CSPP1: variants seen among roughly 807,000 people sequenced by gnomAD.
CSPP1 encodes the protein centrosome and spindle pole associated protein 1, also known as centrosome and spindle pole-associated protein 1.
Under a neutral mutation model 164.4 loss-of-function variants are expected in CSPP1, and 126 were observed. The observed-to-expected ratio is 0.77, with a 90% CI of 0.66 to 0.89. CSPP1 has a LOEUF of 0.89. Ranked by LOEUF, CSPP1 falls within the 40% of genes least tolerant of loss-of-function variation. The pLI is 0.00. For synonymous variants in CSPP1, 472 were observed against 476.7 expected (o/e 0.99, Z 0.13); for missense variants, 1,395 against 1,449.8 (o/e 0.96, Z 0.61).
chr8:67,154,171 G>A, intron 19 of CSPP1, 35 bp downstream of exon 19: 1 of 1,034,066 alleles, frequency 9.7e-7, no homozygotes, highest in Admixed American at 1.9e-5. Flanking sequence ...AAAGTTTCAT[G>A]AGATTTTAAT....
In CSPP1 at chr8:67,113,802, T is replaced by C. The variant is rs771296235; in HGVS notation, c.1188-3T>C. 1.3e-6 allele frequency: 2 copies of C among 1,525,764 alleles called. No individual in the cohort carries two copies. Among genetic ancestry groups the C allele is most frequent in the East Asian group, 2.3e-5 (1 of 43,904 alleles). The allele number at this position is 1,525,764 out of a possible 1,614,324, so 94.5% of individuals were successfully genotyped here. A position where few individuals can be genotyped will look rare whatever the true frequency, so the allele number is the denominator to read the frequency against. On this transcript the variant is annotated splice_polypyrimidine_tract_variant and splice_region_variant and intron_variant, in intron 10 of 30. Transcript: ENST00000678616. ...TAATATGTAAAACTTTAATTTTGTT[T>C]AGAGAAAAAGATTTAGAACTCAGGG...
At chr8:67,185,861 GCAT>G (rs768341729) in intron 28 of CSPP1, among the ~76,000 whole-genome samples, 2 of 152,032 alleles carry the variant, frequency 1.3e-5, no homozygotes, top group Non-Finnish European at 2.9e-5. Context: ...AGACTCAAAA[GCAT>G]CATCAACACC....
intron 12 of CSPP1, 40 bp from the exon 13 acceptor site, chr8:67,115,874 T>A (rs377666843): frequency 3.4e-5 from 52 of 1,526,804 alleles, no homozygotes; most frequent in Non-Finnish European, 4.7e-5. Flanking sequence ...TTTAAACTTA[T>A]GATTATATGT....
chr8:67,075,116 T>TTCTTA (rs1354337973), intron 2 of CSPP1, among the ~76,000 whole-genome samples: 2 of 152,216 alleles, frequency 1.3e-5, no homozygotes, highest in East Asian at 3.8e-4. Flanking sequence ...CTTAAAGGCT[T>TTCTTA]TCTTAAAGCT....
rs545573445 is a variant in CSPP1 at position 67,101,253 on chromosome 8, A to G, written c.924-1784A>G. Among the ~76,000 whole-genome samples, 4 of 152,324 alleles carry G rather than the reference A, an allele frequency of 2.6e-5. No homozygotes were observed. In the South Asian group the frequency reaches 8.3e-4, roughly 32 times the overall value. On this transcript the variant is annotated intron_variant, in intron 7 of 30. Coordinates refer to ENST00000678616, the MANE Select transcript of CSPP1 (RefSeq NM_001382391.1). ...AATTCCAGACTTCCTGAAGAAAAGC[A>G]AATGTTTAGCATAAACTATAGTTTG...
chr8:67,167,418 C>T lies in CSPP1; in HGVS notation c.2828+2910C>T, dbSNP rs561747215. On this transcript the variant is annotated intron_variant, in intron 24 of 30. Transcript: ENST00000678616. ...GGCTGCCCCCCACCTCCCTCCTGGA[C>T]GGGGCGGCTGGCCGGGCGGGGGCTG... Among the ~76,000 whole-genome samples the T allele has an allele frequency of 8.7e-4, 129 of 148,244 alleles. 1 individual carries two copies. Among genetic ancestry groups the T allele is most frequent in the African/African-American group, 2.9e-3 (118 of 40,480 alleles).
At chr8:67,141,908 T>G (rs113236279) in intron 17 of CSPP1, among the ~76,000 whole-genome samples, 97 of 152,356 alleles carry the variant, frequency 6.4e-4, no homozygotes, top group African/African-American at 2.1e-3. Flanking sequence ...GTCTGTTCAT[T>G]ATCTTGGCTA....
Position 67,195,648 on chromosome 8 carries a change from CTG to C in CSPP1, c.*57_*58del, listed in dbSNP as rs1249083493. The C allele has an allele frequency of 2.0e-6, 3 of 1,487,762 alleles. No individual in the cohort carries two copies. The African/African-American group carries it at 4.2e-5, about 21-fold the overall frequency. 92.2% of individuals were successfully genotyped at this position (1,487,762 alleles called of 1,614,324 possible). A position where few individuals can be genotyped will look rare whatever the true frequency, so the allele number is the denominator to read the frequency against. ...TTTTAAGGTGAAAGGAATGGTAAATCTGTACCTTTAATATGTCCTACTTTTGG... is the reference window on the plus strand; with the variant it reads ...TTTTAAGGTGAAAGGAATGGTAAATCTACCTTTAATATGTCCTACTTTTGG... On this transcript the variant is annotated 3_prime_UTR_variant, in exon 31 of 31. Coordinates refer to ENST00000678616, the MANE Select transcript of CSPP1 (RefSeq NM_001382391.1).
At chr8:67,185,798 T>C (rs1167297048) in intron 28 of CSPP1, among the ~76,000 whole-genome samples, 1 of 151,716 alleles carries the variant, frequency 6.6e-6, no homozygotes, top group Non-Finnish European at 1.5e-5. Flanking sequence ...AGTGAAGAAA[T>C]CTATACAAGA....
intron 22 of CSPP1, among the ~76,000 whole-genome samples, chr8:67,162,599 G>A (rs1307325698): frequency 6.6e-6 from 1 of 152,192 alleles, no homozygotes; most frequent in Non-Finnish European, 1.5e-5. Flanking sequence ...TATTTAAGTA[G>A]GGGAATGACA....
rs117298748 is a variant in CSPP1, at chr8:67,096,901, G to A, written c.923+1169G>A. On this transcript the variant is annotated intron_variant, in intron 7 of 30. Transcript: ENST00000678616. The stretch of plus-strand genomic sequence containing the variant: ...TAAAAATAAATGAATAAAATAAAAC[G>A]TGTGAAAAAAGGATACCTTAAAATA... Among the ~76,000 whole-genome samples, 137 of 152,086 alleles carry A rather than the reference G, an allele frequency of 9.0e-4. 1 individual carries two copies. Among genetic ancestry groups the A allele is most frequent in the African/African-American group, 2.6e-3 (109 of 41,490 alleles).
At chr8:67,092,297 T>C (rs1004611510) in intron 5 of CSPP1, among the ~76,000 whole-genome samples, 1 of 152,224 alleles carries the variant, frequency 6.6e-6, no homozygotes, top group Non-Finnish European at 1.5e-5. Context: ...ACTCCATTAA[T>C]ACACGTCCAT....
chr8:67,190,028 CA>C (rs1347447708), intron 28 of CSPP1, among the ~76,000 whole-genome samples: 1 of 152,104 alleles, frequency 6.6e-6, no homozygotes, highest in Admixed American at 6.5e-5. Flanking sequence ...GGTAGTTCCT[CA>C]AAATGCAGAG....
Position 67,102,984 on chromosome 8 carries a change from T to C in CSPP1, c.924-53T>C, listed in dbSNP as rs7824359. 5.3e-5 allele frequency: 54 copies of C among 1,027,144 alleles called. No homozygotes were observed. In the South Asian group the frequency reaches 6.1e-4, roughly 12 times the overall value. 63.6% of individuals were successfully genotyped at this position (1,027,144 alleles called of 1,614,324 possible). A position where few individuals can be genotyped will look rare whatever the true frequency, so the allele number is the denominator to read the frequency against. On this transcript the variant is annotated intron_variant, in intron 7 of 30. Coordinates refer to ENST00000678616, the MANE Select transcript of CSPP1 (RefSeq NM_001382391.1). Reference sequence around the variant, plus strand: ...CAAATGTAAAAACACCAAACTGTTATAAGAAGGTCCACTGTATGTGGCACA... The same window carrying C: ...CAAATGTAAAAACACCAAACTGTTACAAGAAGGTCCACTGTATGTGGCACA...
At chr8:67,102,799 C>A (rs1308016565) in intron 7 of CSPP1, among the ~76,000 whole-genome samples, 1 of 152,098 alleles carries the variant, frequency 6.6e-6, no homozygotes, top group Non-Finnish European at 1.5e-5. Context: ...AAATTTATAG[C>A]AAGTACATTA....
At chr8:67,086,236 T>C (rs1344145526) in intron 4 of CSPP1, 126 bp downstream of exon 4, 1 of 752,318 alleles carries the variant, frequency 1.3e-6, no homozygotes. Context: ...AGTAGTAGTA[T>C]AGTCAAAGTT....
At chr8:67,159,901 TTTCTTTCTTTCTTTC>T (rs1423067766) in intron 21 of CSPP1, among the ~76,000 whole-genome samples, 2 of 67,810 alleles carry the variant, frequency 2.9e-5, no homozygotes, top group East Asian at 7.6e-4. Context: ...TCTTTCTTTC[TTTCTTTCTTTCTTTC>T]TTTCTTTCCT....
intron 1 of CSPP1, among the ~76,000 whole-genome samples, chr8:67,071,565 A>C (rs1239485742): frequency 6.6e-6 from 1 of 152,156 alleles, no homozygotes; most frequent in Non-Finnish European, 1.5e-5. Flanking sequence ...CTAACCGTCT[A>C]CTGTAAATTT....
At chr8:67,164,719 C>T (rs1828984658) in intron 24 of CSPP1, among the ~76,000 whole-genome samples, 1 of 152,326 alleles carries the variant, frequency 6.6e-6, no homozygotes, top group Middle Eastern at 3.4e-3. Context: ...GGAATAATTA[C>T]AGACAGTAGT....
Sources: allele counts gnomAD v4.1 joint callset (sites outside exome capture counted in the v4.1 genomes callset), GRCh38; gene constraint gnomAD v4.1.1; transcripts MANE v1.5; gene names NCBI Gene and HGNC (gene_info 2026-07-23, HGNC 2026-07-21).